Variants in ZNF148 observed in about 807,000 individuals in gnomAD.
ZNF148 encodes the protein zinc finger protein 148.
In ZNF148, 7 loss-of-function variants were observed where a neutral mutation model predicts 67.7. The observed-to-expected ratio is 0.10, with a 90% CI of 0.06 to 0.19. The LOEUF is 0.19. Ranked by LOEUF, ZNF148 falls within the 10% of genes least tolerant of loss-of-function variation. ZNF148 has a pLI of 1.00. For missense variants in ZNF148, 583 were observed against 947.1 expected (o/e 0.62, Z 5.05); for synonymous variants, 333 against 330.7 (o/e 1.01, Z -0.08).
intron 4 of ZNF148, among the ~76,000 whole-genome samples, chr3:125,288,787 C>A (rs1397735112): frequency 2.6e-5 from 4 of 152,110 alleles, no homozygotes; most frequent in Non-Finnish European, 5.9e-5. Flanking sequence ...AAGATCTCAG[C>A]CAGTACTTTC....
Position 125,339,150 on chromosome 3 carries a change from T to C in ZNF148, c.-233-7912A>G, listed in dbSNP as rs1483219096. 2.0e-5 allele frequency among the ~76,000 whole-genome samples: 3 copies of C among 152,140 alleles called. 1 individual carries two copies. The highest frequency in any genetic ancestry group is 1.3e-4 in the Admixed American group (2 of 15,276). ...ACCTCAGCCTCCCAAGTTGCTGAGA[T>C]TACAGGTGTGAGCCACCATCCCCAG... On this transcript the variant is annotated intron_variant, in intron 1 of 8. Coordinates refer to ENST00000360647, the MANE Select transcript of ZNF148 (RefSeq NM_021964.3).
chr3:125,293,018 G>A (rs912949986), intron 4 of ZNF148, among the ~76,000 whole-genome samples: 2 of 151,966 alleles, frequency 1.3e-5, no homozygotes, highest in Non-Finnish European at 2.9e-5. Context: ...TTTTTGTTTT[G>A]GAAAACAGTT....
At chr3:125,259,611 T>C (rs1227437735) in intron 7 of ZNF148, among the ~76,000 whole-genome samples, 1 of 152,228 alleles carries the variant, frequency 6.6e-6, no homozygotes, top group Non-Finnish European at 1.5e-5. Flanking sequence ...TATAGCCTAT[T>C]AAGTGTAAAA....
rs566297399 is a variant in ZNF148 at position 125,334,726 on chromosome 3, C to T, written c.-233-3488G>A. On this transcript the variant is annotated intron_variant, in intron 1 of 8. Coordinates refer to ENST00000360647, the MANE Select transcript of ZNF148 (RefSeq NM_021964.3). Reference sequence around the variant, plus strand: ...ATACAAAAGTAGTAAGAGGCAGACCCGAACTCCTTATAAGGGTCTACAAGG... The same window carrying T: ...ATACAAAAGTAGTAAGAGGCAGACCTGAACTCCTTATAAGGGTCTACAAGG... Among the ~76,000 whole-genome samples the T allele has an allele frequency of 1.6e-4, 24 of 152,192 alleles. No individual in the cohort carries two copies. In the South Asian group the frequency reaches 3.5e-3, roughly 22 times the overall value.
chr3:125,329,312 G>GAT (rs200587493), intron 2 of ZNF148, among the ~76,000 whole-genome samples: 213 of 144,990 alleles, frequency 1.5e-3, no homozygotes, highest in Non-Finnish European at 2.4e-3. Context: ...TCATACTACA[G>GAT]ATATATATAT....
intron 1 of ZNF148, among the ~76,000 whole-genome samples, chr3:125,351,870 T>C (rs1942165264): frequency 6.6e-6 from 1 of 152,170 alleles, no homozygotes; most frequent in African/African-American, 2.4e-5. Flanking sequence ...CCAGCATAGC[T>C]ATAATCAAAA....
At chr3:125,333,521 C>A (rs971824719) in intron 1 of ZNF148, among the ~76,000 whole-genome samples, 1 of 75,182 alleles carries the variant, frequency 1.3e-5, no homozygotes, top group Non-Finnish European at 2.8e-5. Flanking sequence ...CTCTTCCACT[C>A]CTCTCAACCA....
At chr3:125,263,542 C>T (rs1394047580) in intron 7 of ZNF148, among the ~76,000 whole-genome samples, 1 of 101,088 alleles carries the variant, frequency 9.9e-6, no homozygotes, top group Non-Finnish European at 2.0e-5. Context: ...TAGAGTAAGA[C>T]TCTGTCTCAA....
chr3:125,354,269 C>A (rs1364638206), intron 1 of ZNF148, among the ~76,000 whole-genome samples: 1 of 151,950 alleles, frequency 6.6e-6, no homozygotes, highest in Admixed American at 6.5e-5. Context: ...ACTGCTCCTG[C>A]GGCCACACAA....
intron 1 of ZNF148, among the ~76,000 whole-genome samples, chr3:125,348,501 A>AG (rs1942028088): frequency 1.3e-5 from 2 of 150,620 alleles, no homozygotes; most frequent in East Asian, 3.9e-4. Flanking sequence ...AAAAAAAAAA[A>AG]GCTATCCAAC....
At chr3:125,305,228 AG>A (rs1180590831) in intron 4 of ZNF148, among the ~76,000 whole-genome samples, 2 of 152,254 alleles carry the variant, frequency 1.3e-5, no homozygotes, top group East Asian at 3.8e-4. Flanking sequence ...GAGAAAACAC[AG>A]CATTATTTGT....
intron 5 of ZNF148, 46 bp downstream of exon 5, chr3:125,288,057 G>A (rs758979179): frequency 5.6e-6 from 9 of 1,611,640 alleles, no homozygotes; most frequent in Non-Finnish European, 5.9e-6. Flanking sequence ...TTAACCAACA[G>A]TTGGAATTAA....
At position 125,232,172 on chromosome 3, in the gene ZNF148, GACTA is replaced by G; in HGVS notation, c.*165_*168del. On this transcript the variant is annotated 3_prime_UTR_variant, in exon 9 of 9. Transcript: ENST00000360647. The surrounding 1 kb of genome is among the most constrained non-coding windows in gnomAD (Gnocchi z 4.2). ...CATGTAAGGCAGTTCAAAGAATGCTGACTAACCAAACGAAATGCAGTTATTGGAT... is the reference window on the plus strand; with the variant it reads ...CATGTAAGGCAGTTCAAAGAATGCTGACCAAACGAAATGCAGTTATTGGAT... 1 of 798,290 alleles carries G rather than the reference GACTA, an allele frequency of 1.3e-6. No individual in the cohort carries two copies. The highest frequency in any genetic ancestry group is 3.8e-4 in the Middle Eastern group (1 of 2,606). 49.5% of individuals were successfully genotyped at this position (798,290 alleles called of 1,614,324 possible).
intron 1 of ZNF148, 52 bp downstream of exon 1, chr3:125,375,050 C>T (rs1468972122): frequency 4.0e-5 from 6 of 151,422 alleles, no homozygotes; most frequent in Non-Finnish European, 8.9e-5. Flanking sequence ...GCCGCCCCCT[C>T]CCCCTCCCCC....
chr3:125,292,909 T>A (rs1009092341), intron 4 of ZNF148: 1 of 152,208 alleles, frequency 6.6e-6, no homozygotes, highest in African/African-American at 2.4e-5. Flanking sequence ...ACAGACTTAA[T>A]ATATGTCACC....
chr3:125,338,470 T>A (rs1490118685), intron 1 of ZNF148, among the ~76,000 whole-genome samples: 1 of 151,756 alleles, frequency 6.6e-6, no homozygotes, highest in African/African-American at 2.4e-5. Flanking sequence ...AAGTGTCAAT[T>A]CTTTGTCATC....
At position 125,249,568 on chromosome 3, in the gene ZNF148, G is replaced by A. The variant is rs1283853202; in HGVS notation, c.668-15239C>T. On this transcript the variant is annotated intron_variant, in intron 7 of 8. Transcript: ENST00000360647. Reference sequence around the variant, plus strand: ...AAAGAAACCACTGCACACTGCTGCCGAGATTGTAAACTGACAGAGCCATTA... The same window carrying A: ...AAAGAAACCACTGCACACTGCTGCCAAGATTGTAAACTGACAGAGCCATTA... Among the ~76,000 whole-genome samples the A allele has an allele frequency of 2.6e-5, 4 of 152,140 alleles. No homozygotes were observed. The East Asian group carries it at 5.8e-4, about 22-fold the overall frequency.
intron 1 of ZNF148, among the ~76,000 whole-genome samples, chr3:125,346,850 AATTTTGCTTAATT>A (rs1456833035): frequency 6.6e-6 from 1 of 152,092 alleles, no homozygotes; most frequent in African/African-American, 2.4e-5. Context: ...ACTTACTGTA[AATTTTGCTTAATT>A]TACAGTAAAT....
In ZNF148 at chr3:125,233,277, G is replaced by A. The variant is rs1422036482; in HGVS notation, c.1449C>T (p.Asn483=). 5 of 1,613,884 alleles carry A rather than the reference G, an allele frequency of 3.1e-6. No individual in the cohort carries two copies. In the African/African-American group the frequency reaches 4.0e-5, roughly 13 times the overall value. Residue 483 remains asparagine, a synonymous_variant, in exon 9 of 9, where the codon AAC becomes AAT. Transcript: ENST00000360647. The surrounding 1 kb of genome is among the most constrained non-coding windows in gnomAD (Gnocchi z 5.1). ...KKRYLQAASN[N]SREYALNVGT... is the part of the protein sequence containing the mutation. ...CCACATTCAGCGCATATTCCCTGCT[G>A]TTGTTACTTGCTGCTTGAAGATACC...
Sources: gnomAD v4.1 joint callset for allele counts (sites outside exome capture counted in the v4.1 genomes callset) on GRCh38, gnomAD v4.1.1 for gene constraint, Gnocchi (gnomAD v3.1) non-coding constraint, MANE v1.5 for transcripts, NCBI Gene and HGNC (gene_info 2026-07-23, HGNC 2026-07-21) for gene names.